ITPR2: variants seen among roughly 807,000 people sequenced by gnomAD.
ITPR2 encodes inositol 1,4,5-trisphosphate receptor type 2, also known as inositol 1,4,5-trisphosphate-gated calcium channel ITPR2.
Under a neutral mutation model 317.1 loss-of-function variants are expected in ITPR2, and 207 were observed. That is an observed-to-expected ratio of 0.65 (90% CI 0.58 to 0.73). The LOEUF (loss-of-function observed/expected upper bound fraction) is 0.73, where lower values mean the gene tolerates loss of function less well. Ranked by LOEUF, ITPR2 falls within the 30% of genes least tolerant of loss-of-function variation. The probability of loss-of-function intolerance (pLI) is 0.00; values close to 1 mark genes in which losing one functional copy is unlikely to be tolerated. For synonymous variants in ITPR2, 1,156 were observed against 1,149.1 expected, an observed-to-expected ratio of 1.01 and a Z score of -0.12; for missense variants, 2,613 against 3,284.0, an observed-to-expected ratio of 0.80 and a Z score of 4.99.
chr12:26,580,038 T>C lies in ITPR2; in HGVS notation c.4498A>G (p.Thr1500Ala), dbSNP rs1319883800. 2 of 1,612,048 alleles carry C rather than the reference T, an allele frequency of 1.2e-6. No individual in the cohort carries two copies. Among genetic ancestry groups the C allele is most frequent in the Non-Finnish European group, 1.7e-6 (2 of 1,178,672 alleles). Residue 1500 changes from threonine (T) to alanine (A), a missense_variant, in exon 33 of 57, where the codon ACC (threonine) becomes GCC (alanine). This residue lies in a region of ITPR2 where 926 missense variants were observed against 1,072.8 expected (regional missense o/e 0.86). Coordinates refer to ENST00000381340, the MANE Select transcript of ITPR2 (RefSeq NM_002223.4). Reference protein sequence around the residue: ...FFNSPFSDNSTSLQTHQPVFI... With the variant: ...FFNSPFSDNSASLQTHQPVFI... ...ATTGTTTAACTTACCTGGAGGCTGG[T>C]ACTATTGTCTGAAAAGGGAGAATTA... is the stretch of plus-strand genomic sequence containing the variant.
intron 45 of ITPR2, among the ~76,000 whole-genome samples, chr12:26,459,130 G>A: frequency 6.6e-6 from 1 of 152,172 alleles, no homozygotes; most frequent in East Asian, 1.9e-4. Flanking sequence ...ATACAAATAT[G>A]AGGAGCCTCA....
intron 55 of ITPR2, among the ~76,000 whole-genome samples, chr12:26,342,079 G>A (rs572077446): frequency 5.9e-5 from 9 of 152,290 alleles, no homozygotes; most frequent in Admixed American, 2.6e-4. Flanking sequence ...AGTGTGGCTG[G>A]GCCAGCTGCT....
rs775338492 is a variant in ITPR2 at position 26,621,275 on chromosome 12, G to C, written c.3310C>G (p.Gln1104Glu). 1.2e-6 allele frequency: 2 copies of C among 1,610,996 alleles called. No individual in the cohort carries two copies. The highest frequency in any genetic ancestry group is 2.7e-5 in the African/African-American group (2 of 74,780). ...ATTTGCTTGTAGTTATCTACGTCTT[G>C]ATTAGACACCAGTAATTGCACCTAA... ...FKQVQLLVSN[Q>E]DVDNYKQIKA... Residue 1104 changes from glutamine to glutamate, a missense_variant, in exon 26 of 57, where the codon CAA becomes GAA. By Grantham distance (29) the Gln-to-Glu change is conservative (BLOSUM62 2). This residue lies in a region of ITPR2 where 817 missense variants were observed against 897.6 expected (regional missense o/e 0.91). Coordinates refer to ENST00000381340, the MANE Select transcript of ITPR2 (RefSeq NM_002223.4).
intron 21 of ITPR2, chr12:26,648,980 T>C (rs1322218111): frequency 6.6e-6 from 1 of 152,230 alleles, no homozygotes; most frequent in Non-Finnish European, 1.5e-5. Flanking sequence ...CATCTCCTAG[T>C]AGAGTTGTAA....
chr12:26,348,461 A>T (rs1938375360), intron 55 of ITPR2, among the ~76,000 whole-genome samples: 1 of 152,222 alleles, frequency 6.6e-6, no homozygotes, highest in Non-Finnish European at 1.5e-5. Flanking sequence ...ATCTCAAAAA[A>T]TTAGGAGATA....
intron 37 of ITPR2, among the ~76,000 whole-genome samples, chr12:26,522,555 A>G (rs1943692682): frequency 1.3e-5 from 2 of 152,148 alleles, no homozygotes; most frequent in South Asian, 4.1e-4. Context: ...TGCGACCCCA[A>G]GCAGTTCATT....
At chr12:26,723,116 G>A (rs1343037992) in intron 4 of ITPR2, among the ~76,000 whole-genome samples, 1 of 152,034 alleles carries the variant, frequency 6.6e-6, no homozygotes, top group African/African-American at 2.4e-5. Context: ...TCACTTCTCA[G>A]ATTTTTTTGG....
Position 26,655,719 on chromosome 12 carries a change from G to C in ITPR2, c.2578C>G (p.Leu860Val). The change falls in exon 20 of 57, where the codon CTG becomes GTG. Residue 860 changes from leucine (L) to valine (V), a missense_variant. Around this residue, in one of 9 missense-constraint regions of ITPR2, gnomAD observed 817 missense variants for 897.6 expected, o/e 0.91. Transcript: ENST00000381340. ...GAGGGACAAAGTACCTCAAATGTCA[G>C]TTTATTTTTTTCTTTATCCCCAAAA... ...FPFGDKEKNK[L>V]TFEVVHLARN... The C allele has an allele frequency of 6.2e-7, 1 of 1,612,488 alleles. No homozygotes were observed. The highest frequency in any genetic ancestry group is 8.5e-7 in the Non-Finnish European group (1 of 1,179,174).
chr12:26,664,836 C>G (rs1239764317), intron 14 of ITPR2, among the ~76,000 whole-genome samples: 2 of 152,062 alleles, frequency 1.3e-5, no homozygotes, highest in East Asian at 3.9e-4. Flanking sequence ...GATTTGCAAC[C>G]TTTATTTTAT....
intron 48 of ITPR2, among the ~76,000 whole-genome samples, chr12:26,430,981 T>G (rs1003662884): frequency 1.3e-5 from 2 of 152,196 alleles, no homozygotes; most frequent in African/African-American, 4.8e-5. Flanking sequence ...CTGGGTGGTC[T>G]TTACTATTGT....
intron 2 of ITPR2, among the ~76,000 whole-genome samples, chr12:26,781,758 G>A (rs925834022): frequency 3.9e-5 from 6 of 152,074 alleles, no homozygotes; most frequent in Middle Eastern, 3.4e-3. Context: ...AGTGGGCTGG[G>A]AAAGGCTGAC....
chr12:26,492,712 C>T (rs1022348329), intron 39 of ITPR2, among the ~76,000 whole-genome samples: 1 of 152,130 alleles, frequency 6.6e-6, no homozygotes, highest in African/African-American at 2.4e-5. Context: ...AGTCCAGTTT[C>T]AGTTAAACAG....
intron 1 of ITPR2, among the ~76,000 whole-genome samples, chr12:26,811,675 ACT>A (rs1950751469): frequency 7.6e-6 from 1 of 132,292 alleles, no homozygotes; most frequent in African/African-American, 2.9e-5. Flanking sequence ...GGACAGCGAG[ACT>A]CTGTCTCAAA....
At chr12:26,461,645 T>TGC (rs1380909287) in intron 45 of ITPR2, among the ~76,000 whole-genome samples, 32 of 28,652 alleles carry the variant, frequency 1.1e-3, no homozygotes, top group Non-Finnish European at 4.4e-3. Flanking sequence ...TATATATATA[T>TGC]ATATATATAT....
At chr12:26,725,885 T>C (rs1342788029) in intron 2 of ITPR2, 120 bp from the exon 3 acceptor site, 2 of 642,976 alleles carry the variant, frequency 3.1e-6, no homozygotes, top group East Asian at 5.5e-5. Flanking sequence ...TTAAAAGTCA[T>C]ATAGTCCGTC....
chr12:26,502,455 C>T (rs752788522), intron 37 of ITPR2, among the ~76,000 whole-genome samples: 2 of 152,304 alleles, frequency 1.3e-5, no homozygotes, highest in Middle Eastern at 3.4e-3. Flanking sequence ...CATAAAATCA[C>T]ACTCAAAGAC....
rs1315796155 is a variant in ITPR2, at chr12:26,657,709, G to A, written c.2190C>T (p.Tyr730=). The change falls in exon 18 of 57, where the codon TAC becomes TAT. Residue 730 remains tyrosine (Y), a splice_region_variant and synonymous_variant. Transcript: ENST00000381340. The part of the protein sequence containing the change: ...TKADLEVLTY[Y]RYQLNLFARM... Reference sequence around the variant, plus strand: ...TAAGATTGTCTATAATACTTAACCTGTAATAGGTAAGAACTTCTAAGTCAG... The same window carrying A: ...TAAGATTGTCTATAATACTTAACCTATAATAGGTAAGAACTTCTAAGTCAG... 1.2e-6 allele frequency: 2 copies of A among 1,612,958 alleles called. No individual in the cohort carries two copies. Among genetic ancestry groups the A allele is most frequent in the South Asian group, 1.1e-5 (1 of 91,030 alleles).
At chr12:26,553,892 G>C (rs138680131) in intron 36 of ITPR2, among the ~76,000 whole-genome samples, 23 of 152,306 alleles carry the variant, frequency 1.5e-4, no homozygotes, top group Middle Eastern at 6.8e-3. Flanking sequence ...GAAGTGGTAG[G>C]GTGAGCAGTA....
chr12:26,588,836 C>A (rs1398414464), intron 32 of ITPR2, among the ~76,000 whole-genome samples: 1 of 152,210 alleles, frequency 6.6e-6, no homozygotes, highest in Non-Finnish European at 1.5e-5. Context: ...TAAATTATTT[C>A]TTGGTCTAAT....
Sources: allele counts gnomAD v4.1 joint callset (sites outside exome capture counted in the v4.1 genomes callset), GRCh38; gene constraint gnomAD v4.1.1; regional missense constraint gnomAD v4.1.1; transcripts MANE v1.5; gene names NCBI Gene and HGNC (gene_info 2026-07-23, HGNC 2026-07-21).